PLCB1: variants seen among roughly 807,000 people sequenced by gnomAD.
PLCB1 encodes the protein phospholipase C beta 1, also known as 1-phosphatidylinositol 4,5-bisphosphate phosphodiesterase beta-1.
PLCB1 carries 46 observed loss-of-function variants against 161.8 expected under a neutral mutation model. The ratio of observed to expected loss-of-function variants is 0.28; its 90% CI spans 0.22 to 0.36. The LOEUF (loss-of-function observed/expected upper bound fraction) is 0.36, where lower values mean the gene tolerates loss of function less well. Among genes scored for constraint, PLCB1 ranks in the 10% least tolerant of loss-of-function variants. The pLI, the probability that PLCB1 is intolerant of heterozygous loss-of-function variation, is 1.00. For missense variants in PLCB1, 1,016 were observed against 1,472.5 expected (o/e 0.69, Z 5.07); for synonymous variants, 517 against 503.7 (o/e 1.03, Z -0.35).
At chr20:8,851,712 G>GTT (rs11479187) in intron 31 of PLCB1, among the ~76,000 whole-genome samples, 47 of 142,996 alleles carry the variant, frequency 3.3e-4, no homozygotes, top group African/African-American at 1.2e-3. Context: ...TCTTTTTTTG[G>GTT]TTTTTTTTTT....
chr20:8,166,486 C>G lies in PLCB1; in HGVS notation c.177+16115C>G, dbSNP rs142629514. On this transcript the variant is annotated intron_variant, in intron 2 of 31. Coordinates refer to ENST00000338037, the MANE Select transcript of PLCB1 (RefSeq NM_015192.4). ...GGCTGTAAGTTGCAGTCCTTCTCTA[C>G]TCACATGTTAGGGAATCTCACCTGC... Among the ~76,000 whole-genome samples the G allele has an allele frequency of 1.3e-3, 197 of 152,302 alleles. 1 individual carries two copies. The highest frequency in any genetic ancestry group is 4.5e-3 in the African/African-American group (189 of 41,568).
intron 31 of PLCB1, 46 bp from the exon 32 acceptor site, chr20:8,881,575 AG>A: frequency 7.0e-7 from 1 of 1,419,550 alleles, no homozygotes; most frequent in Non-Finnish European, 1.0e-6. Context: ...GAGTGGGTAT[AG>A]AAACATAAAC....
chr20:8,732,228 G>T (rs1394822958), intron 18 of PLCB1: 1 of 152,016 alleles, frequency 6.6e-6, no homozygotes, highest in East Asian at 1.9e-4. Context: ...AAATTAAAAA[G>T]CAGGAAAAGG....
At chr20:8,312,391 A>T (rs544942652) in intron 2 of PLCB1, among the ~76,000 whole-genome samples, 6 of 152,248 alleles carry the variant, frequency 3.9e-5, no homozygotes, top group Admixed American at 1.3e-4. Context: ...CACTTTATTT[A>T]TCTTCTTCAT....
chr20:8,528,415 A>G (rs1984667476), intron 3 of PLCB1, among the ~76,000 whole-genome samples: 1 of 152,096 alleles, frequency 6.6e-6, no homozygotes, highest in Non-Finnish European at 1.5e-5. Context: ...GAAGCCAGAC[A>G]CAAAAGTTAT....
At chr20:8,278,173 A>C (rs1345496733) in intron 2 of PLCB1, among the ~76,000 whole-genome samples, 1 of 145,758 alleles carries the variant, frequency 6.9e-6, no homozygotes, top group Non-Finnish European at 1.5e-5. Flanking sequence ...TAAACTCTTC[A>C]AGTACATTGG....
chr20:8,161,225 A>G (rs1194378930), intron 2 of PLCB1, among the ~76,000 whole-genome samples: 1 of 152,218 alleles, frequency 6.6e-6, no homozygotes, highest in East Asian at 1.9e-4. Flanking sequence ...GTATGTATAT[A>G]GTGCATATAT....
chr20:8,446,701 G>A (rs996405095), intron 3 of PLCB1, among the ~76,000 whole-genome samples: 2 of 152,126 alleles, frequency 1.3e-5, no homozygotes, highest in African/African-American at 4.8e-5. Flanking sequence ...CTAAGGTTAG[G>A]AACACATAGG....
intron 31 of PLCB1, among the ~76,000 whole-genome samples, chr20:8,843,638 T>C (rs1422103183): frequency 6.6e-6 from 1 of 152,008 alleles, no homozygotes; most frequent in Non-Finnish European, 1.5e-5. Context: ...TTTTAAATGA[T>C]AAAATATAAA....
chr20:8,165,535 A>G (rs1369576357), intron 2 of PLCB1, among the ~76,000 whole-genome samples: 4 of 152,178 alleles, frequency 2.6e-5, no homozygotes, highest in Non-Finnish European at 4.4e-5. Flanking sequence ...TATTAATGCT[A>G]TGTTGATTCT....
intron 2 of PLCB1, among the ~76,000 whole-genome samples, chr20:8,275,448 C>T (rs1446218616): frequency 1.3e-5 from 2 of 152,162 alleles, no homozygotes; most frequent in African/African-American, 2.4e-5. Context: ...ACCCATTCAA[C>T]TTGTTTCTTT....
chr20:8,293,105 A>T (rs1165940964), intron 2 of PLCB1, among the ~76,000 whole-genome samples: 1 of 151,968 alleles, frequency 6.6e-6, no homozygotes, highest in East Asian at 1.9e-4. Context: ...CTGATCTCTT[A>T]AAAAAAAGTC....
intron 12 of PLCB1, among the ~76,000 whole-genome samples, chr20:8,709,422 A>G (rs1978871587): frequency 6.6e-6 from 1 of 152,228 alleles, no homozygotes; most frequent in Admixed American, 6.5e-5. Flanking sequence ...AAAGAGCTTC[A>G]GAATGAAAGA....
intron 3 of PLCB1, among the ~76,000 whole-genome samples, chr20:8,441,281 A>T (rs1490875479): frequency 1.3e-5 from 2 of 152,188 alleles, no homozygotes; most frequent in Non-Finnish European, 2.9e-5. Context: ...GAAAATATCA[A>T]TTTTTACACT....
rs149608837 is a variant in PLCB1, at chr20:8,228,788, T to A, written c.177+78417T>A. 1.1e-4 allele frequency among the ~76,000 whole-genome samples: 17 copies of A among 152,276 alleles called. No homozygotes were observed. The East Asian group carries it at 3.1e-3, about 28-fold the overall frequency. On this transcript the variant is annotated intron_variant, in intron 2 of 31. Transcript: ENST00000338037. ...TAATTTTTTAATTGGCATATAATAA[T>A]TGTACATATTTATGAGGTACATAGT...
At chr20:8,458,361 A>G (rs1981421950) in intron 3 of PLCB1, among the ~76,000 whole-genome samples, 1 of 152,240 alleles carries the variant, frequency 6.6e-6, no homozygotes, top group Non-Finnish European at 1.5e-5. Flanking sequence ...TTGAATGAGT[A>G]CATGAATATT....
rs114121120 is a variant in PLCB1, at chr20:8,311,590, G to A, written c.178-59792G>A. ...TCCAAAATCTTGTTTCTCAGGGTGA[G>A]CTTAGGGTTCATCTCTATTAAACGT... On this transcript the variant is annotated intron_variant, in intron 2 of 31. Transcript: ENST00000338037. Among the ~76,000 whole-genome samples the A allele has an allele frequency of 3.6e-3, 541 of 152,276 alleles. 5 individuals carry two copies. The highest frequency in any genetic ancestry group is 0.012 in the African/African-American group (504 of 41,564).
chr20:8,468,996 G>A (rs1048776659), intron 3 of PLCB1, among the ~76,000 whole-genome samples: 6 of 152,042 alleles, frequency 3.9e-5, no homozygotes, highest in African/African-American at 1.4e-4. Context: ...TCCACCCCCC[G>A]TAGTGTCTGA....
At chr20:8,614,670 G>A (rs562284815) in intron 3 of PLCB1, among the ~76,000 whole-genome samples, 1 of 151,488 alleles carries the variant, frequency 6.6e-6, no homozygotes, top group South Asian at 2.1e-4. Context: ...CAACTTGGTA[G>A]ACACTGGCCT....
Sources: gnomAD v4.1 joint callset for allele counts (sites outside exome capture counted in the v4.1 genomes callset) on GRCh38, gnomAD v4.1.1 for gene constraint, MANE v1.5 for transcripts, NCBI Gene and HGNC (gene_info 2026-07-23, HGNC 2026-07-21) for gene names.